Variants in TMPRSS11A observed in about 807,000 individuals in gnomAD.
The protein encoded by TMPRSS11A is transmembrane protease serine 11A.
A neutral mutation model predicts 58.9 loss-of-function variants in TMPRSS11A; 53 were observed. The observed-to-expected ratio is 0.90, with a 90% confidence interval of 0.72 to 1.13. TMPRSS11A has a LOEUF of 1.13. Ranked by LOEUF, TMPRSS11A falls within the 50% of genes most tolerant of loss-of-function variation. The pLI is 0.00. For missense variants in TMPRSS11A, 493 were observed against 499.3 expected, an observed-to-expected ratio of 0.99 and a Z score of 0.12; for synonymous variants, 167 against 169.8, an observed-to-expected ratio of 0.98 and a Z score of 0.13.
At chr4:67,918,943 G>A in intron 8 of TMPRSS11A, 30 bp downstream of exon 8, 1 of 1,612,284 alleles carries the variant, frequency 6.2e-7, no homozygotes, top group Non-Finnish European at 8.5e-7. Flanking sequence ...ACAGGGCTTA[G>A]CGCTCTGTTA....
In TMPRSS11A at chr4:67,929,965, TC is replaced by T; in HGVS notation, c.395del (p.Arg132LysfsTer9). 6.2e-7 allele frequency: 1 copy of T among 1,613,870 alleles called. No individual in the cohort carries two copies. Among genetic ancestry groups the T allele is most frequent in the African/African-American group, 1.3e-5 (1 of 75,062 alleles). ...QFPSTEQRAV[R>X]EKKIQSILNQ... is the part of the protein sequence containing the mutation. ...TTAAGATGCTTTGGATTTTCTTCTC[TC>T]TTACTGCCCTTTGTTCAGTAGAGGG... On this transcript the variant is annotated frameshift_variant, in exon 5 of 10. Transcript: ENST00000508048. LOFTEE classifies it high-confidence loss of function.
intron 3 of TMPRSS11A, among the ~76,000 whole-genome samples, chr4:67,939,029 T>C (rs1720816127): frequency 6.6e-6 from 1 of 152,178 alleles, no homozygotes; most frequent in African/African-American, 2.4e-5. Flanking sequence ...ACAATATTGA[T>C]TCTTCCAATC....
In TMPRSS11A at chr4:67,954,486, C is replaced by T. The variant is rs547946963; in HGVS notation, c.12-7915G>A. Among the ~76,000 whole-genome samples the T allele has an allele frequency of 3.3e-5, 5 of 152,338 alleles. No individual in the cohort carries two copies. In the East Asian group the frequency reaches 9.6e-4, roughly 29 times the overall value. On this transcript the variant is annotated intron_variant, in intron 1 of 9. Coordinates refer to ENST00000508048, the MANE Select transcript of TMPRSS11A (RefSeq NM_001114387.2). ...TTCTTATCCCTTCTAGATCCCCCTGCCCTCACTCAGTTAAAGGTCCCTCTC... is the reference window on the plus strand; with the variant it reads ...TTCTTATCCCTTCTAGATCCCCCTGTCCTCACTCAGTTAAAGGTCCCTCTC...
At chr4:67,923,044 C>T in intron 6 of TMPRSS11A, 118 bp from the exon 7 acceptor site, 1 of 842,912 alleles carries the variant, frequency 1.2e-6, no homozygotes, top group Non-Finnish European at 1.8e-6. Context: ...AGGACACTTA[C>T]CCCACCTGTC....
Sources: allele counts gnomAD v4.1 joint callset (sites outside exome capture counted in the v4.1 genomes callset), GRCh38; gene constraint gnomAD v4.1.1; transcripts MANE v1.5; gene names NCBI Gene and HGNC (gene_info 2026-07-23, HGNC 2026-07-21).